Variants in SLC7A11 observed in about 807,000 individuals in gnomAD.
SLC7A11 encodes the protein cystine/glutamate transporter.
Under a neutral mutation model 54.5 loss-of-function variants are expected in SLC7A11, and 35 were observed. The observed-to-expected ratio is 0.64, with a 90% CI of 0.49 to 0.85. SLC7A11 has a LOEUF of 0.85. Ranked by LOEUF, SLC7A11 falls within the 40% of genes least tolerant of loss-of-function variation. The pLI is 0.00. For missense variants in SLC7A11, 583 were observed against 618.1 expected (o/e 0.94, Z 0.60); for synonymous variants, 230 against 225.2 (o/e 1.02, Z -0.19).
At chr4:138,209,330 G>C (rs1737485697) in intron 6 of SLC7A11, among the ~76,000 whole-genome samples, 1 of 151,834 alleles carries the variant, frequency 6.6e-6, no homozygotes, top group Non-Finnish European at 1.5e-5. Flanking sequence ...GACTGATTGG[G>C]AAACACATTT....
intron 6 of SLC7A11, among the ~76,000 whole-genome samples, chr4:138,205,151 G>A (rs766420812): frequency 5.3e-5 from 8 of 151,852 alleles, no homozygotes; most frequent in African/African-American, 1.9e-4. Flanking sequence ...ACAAAGATTC[G>A]GAAGCAATTT....
Position 138,169,272 on chromosome 4 carries a change from G to C in SLC7A11, c.*2684C>G, listed in dbSNP as rs1412353110. On this transcript the variant is annotated 3_prime_UTR_variant, in exon 12 of 12. Coordinates refer to ENST00000280612, the MANE Select transcript of SLC7A11 (RefSeq NM_014331.4). The stretch of plus-strand genomic sequence containing the variant: ...AATAAGTGTTCAGGAGAGTTTTTGA[G>C]AATCTGCTTTACATACTGCAATTTT... 1.3e-5 allele frequency: 2 copies of C among 151,960 alleles called. No homozygotes were observed. The highest frequency in any genetic ancestry group is 4.8e-5 in the African/African-American group (2 of 41,410). 9.4% of individuals were successfully genotyped at this position (151,960 alleles called of 1,614,324 possible).
intron 5 of SLC7A11, among the ~76,000 whole-genome samples, chr4:138,217,237 T>C (rs1737702187): frequency 2.0e-5 from 3 of 152,194 alleles, no homozygotes; most frequent in Admixed American, 2.0e-4. Flanking sequence ...TTTTAAATCC[T>C]GGACTTATTT....
chr4:138,219,341 G>A lies in SLC7A11; in HGVS notation c.671C>T (p.Ala224Val), dbSNP rs750294561. 1.8e-5 allele frequency: 29 copies of A among 1,605,116 alleles called. No individual in the cohort carries two copies. In the Admixed American group the frequency reaches 2.2e-4, roughly 12 times the overall value. ...AATACTTGAATCTCTTCCTGAAAAGGCGTCTTTAAAGTTCTGCGTTTGACC... is the reference window on the plus strand; with the variant it reads ...AATACTTGAATCTCTTCCTGAAAAGACGTCTTTAAAGTTCTGCGTTTGACC... ...IKGQTQNFKD[A>V]FSGRDSSITR... The change falls in exon 5 of 12, where the codon GCC (alanine) becomes GTC (valine). Residue 224 changes from alanine to valine, a missense_variant. Coordinates refer to ENST00000280612, the MANE Select transcript of SLC7A11 (RefSeq NM_014331.4).
At chr4:138,225,138 C>CTATATATATATATATATATATA (rs36216785) in intron 3 of SLC7A11, among the ~76,000 whole-genome samples, 44 of 118,314 alleles carry the variant, frequency 3.7e-4, no homozygotes, top group East Asian at 8.6e-4. Flanking sequence ...AATAATTTCA[C>CTATATATATATATATATATATA]TATATATATA....
rs1010148368 is a variant in SLC7A11 at position 138,220,938 on chromosome 4, T to C, written c.647-1573A>G. On this transcript the variant is annotated intron_variant, in intron 4 of 11. Transcript: ENST00000280612. The stretch of plus-strand genomic sequence containing the variant: ...TATACTAAACAATTTTTCTCTCAAA[T>C]GATTCCCAAACATAGCTCACTTTTT... Among the ~76,000 whole-genome samples, 3 of 152,322 alleles carry C rather than the reference T, an allele frequency of 2.0e-5. No individual in the cohort carries two copies. The East Asian group carries it at 5.8e-4, about 29-fold the overall frequency.
At chr4:138,198,935 G>A (rs1737205931) in intron 6 of SLC7A11, among the ~76,000 whole-genome samples, 1 of 152,074 alleles carries the variant, frequency 6.6e-6, no homozygotes, top group South Asian at 2.1e-4. Flanking sequence ...TGAAGACGGT[G>A]AGACAGATCT....
chr4:138,232,330 G>A lies in SLC7A11; in HGVS notation c.457C>T (p.Pro153Ser), dbSNP rs190067137. 5 of 1,613,700 alleles carry A rather than the reference G, an allele frequency of 3.1e-6. No individual in the cohort carries two copies. The Admixed American group carries it at 6.7e-5, about 22-fold the overall frequency. Residue 153 changes from proline (P) to serine (S), a missense_variant, in exon 3 of 12, where the codon CCA becomes TCA. Pro to Ser is a moderately conservative substitution (Grantham distance 74). Coordinates refer to ENST00000280612, the MANE Select transcript of SLC7A11 (RefSeq NM_014331.4). ...GGGATTTCACATTGAATAAAAAATG[G>A]TTCCAGAATGTAGCGTCCAAATGCC... ...SLAFGRYILE[P>S]FFIQCEIPEL... is the part of the protein sequence containing the mutation.
chr4:138,239,805 CTTT>C (rs1430351629), intron 1 of SLC7A11, among the ~76,000 whole-genome samples: 3 of 152,164 alleles, frequency 2.0e-5, no homozygotes, highest in Non-Finnish European at 4.4e-5. Context: ...TCTGAATAAT[CTTT>C]TATTATGTGC....
At chr4:138,209,994 T>C (rs1027797644) in intron 6 of SLC7A11, among the ~76,000 whole-genome samples, 1 of 151,880 alleles carries the variant, frequency 6.6e-6, no homozygotes, top group Admixed American at 6.6e-5. Context: ...CCTCAAACCA[T>C]ACTATAGGGT....
intron 6 of SLC7A11, among the ~76,000 whole-genome samples, chr4:138,193,539 C>T (rs925362101): frequency 1.3e-5 from 2 of 152,166 alleles, no homozygotes; most frequent in African/African-American, 2.4e-5. Flanking sequence ...CAGTGGCTCA[C>T]ACCTGTAATC....
At chr4:138,183,406 G>A (rs754934739) in intron 7 of SLC7A11, 101 bp from the exon 8 acceptor site, 3 of 726,718 alleles carry the variant, frequency 4.1e-6, no homozygotes, top group East Asian at 2.7e-5. Flanking sequence ...TATTAGCCTG[G>A]TGATACTTGT....
rs544551284 is a variant in SLC7A11, at chr4:138,208,816, A to G, written c.791+5769T>C. On this transcript the variant is annotated intron_variant, in intron 6 of 11. Transcript: ENST00000280612. ...GCAATACTCTTATTATAAAAGTTCA[A>G]TAGCAATTGTTGTATTTGAAAGATT... is the stretch of plus-strand genomic sequence containing the variant. Among the ~76,000 whole-genome samples the G allele has an allele frequency of 2.0e-5, 3 of 152,082 alleles. 1 individual carries two copies. Among genetic ancestry groups the G allele is most frequent in the South Asian group, 4.2e-4 (2 of 4,818 alleles).
chr4:138,190,497 T>C (rs1736983823), intron 6 of SLC7A11, among the ~76,000 whole-genome samples: 1 of 152,174 alleles, frequency 6.6e-6, no homozygotes, highest in South Asian at 2.1e-4. Flanking sequence ...AAAGCTTTTC[T>C]GTAGGTCTGA....
At chr4:138,192,090 C>T (rs1437354670) in intron 6 of SLC7A11, among the ~76,000 whole-genome samples, 1 of 152,108 alleles carries the variant, frequency 6.6e-6, no homozygotes, top group African/African-American at 2.4e-5. Flanking sequence ...TGCAACATTT[C>T]GGTAAACGAT....
chr4:138,202,667 T>C (rs1408152568), intron 6 of SLC7A11, among the ~76,000 whole-genome samples: 3 of 152,138 alleles, frequency 2.0e-5, no homozygotes, highest in Non-Finnish European at 4.4e-5. Context: ...ACAAGAATCA[T>C]AGAACATACT....
intron 1 of SLC7A11, among the ~76,000 whole-genome samples, chr4:138,237,984 C>T (rs1403004560): frequency 2.0e-5 from 3 of 151,026 alleles, no homozygotes; most frequent in Non-Finnish European, 2.9e-5. Flanking sequence ...AACTCCCGAC[C>T]TCAGGTGATC....
Position 138,169,187 on chromosome 4 carries a change from G to T in SLC7A11, c.*2769C>A, listed in dbSNP as rs922319883. Reference sequence around the variant, plus strand: ...GTAAGTAGTATGTGCATGTATGTGTGTGTGTGCATATCGTATAAAAATATG... The same window carrying T: ...GTAAGTAGTATGTGCATGTATGTGTTTGTGTGCATATCGTATAAAAATATG... On this transcript the variant is annotated 3_prime_UTR_variant, in exon 12 of 12. Transcript: ENST00000280612. 6.6e-6 allele frequency: 1 copy of T among 152,042 alleles called. No homozygotes were observed. The highest frequency in any genetic ancestry group is 6.6e-5 in the Admixed American group (1 of 15,250). 9.4% of individuals were successfully genotyped at this position (152,042 alleles called of 1,614,324 possible).
intron 6 of SLC7A11, among the ~76,000 whole-genome samples, chr4:138,188,356 C>G (rs371968611): frequency 6.6e-6 from 1 of 152,192 alleles, no homozygotes; most frequent in African/African-American, 2.4e-5. Flanking sequence ...AGCCACGACG[C>G]CCAGCTGATA....
Sources: allele counts gnomAD v4.1 joint callset (sites outside exome capture counted in the v4.1 genomes callset), GRCh38; gene constraint gnomAD v4.1.1; transcripts MANE v1.5; gene names NCBI Gene and HGNC (gene_info 2026-07-23, HGNC 2026-07-21).